Variants in RTN4 observed in about 807,000 individuals in gnomAD.
RTN4 encodes reticulon-4.
RTN4 carries 32 observed loss-of-function variants against 90.4 expected under a neutral mutation model. That is an observed-to-expected ratio of 0.35 (90% confidence interval 0.27 to 0.48). The LOEUF is 0.48. RTN4 is among the 20% of genes least tolerant of loss of function. The pLI is 0.99. For missense variants in RTN4, 1,706 were observed against 1,430.2 expected (o/e 1.19, Z -3.11); for synonymous variants, 629 against 552.5 (o/e 1.14, Z -1.94).
rs958232115 is a variant in RTN4 at position 54,973,640 on chromosome 2, G to A, written c.3478-19C>T. On this transcript the variant is annotated intron_variant, in intron 7 of 8. Coordinates refer to ENST00000337526, the MANE Select transcript of RTN4 (RefSeq NM_020532.5). Reference sequence around the variant, plus strand: ...TCTGTGCCTGAAAGAGAGGTATAAAGGAATTATTACCGTTGCTAAAGAATC... The same window carrying A: ...TCTGTGCCTGAAAGAGAGGTATAAAAGAATTATTACCGTTGCTAAAGAATC... The A allele has an allele frequency of 6.3e-7, 1 of 1,594,234 alleles. No homozygotes were observed. Among genetic ancestry groups the A allele is most frequent in the African/African-American group, 1.3e-5 (1 of 74,386 alleles).
intron 1 of RTN4, among the ~76,000 whole-genome samples, chr2:55,041,817 A>G (rs1683097608): frequency 6.6e-6 from 1 of 152,222 alleles, no homozygotes; most frequent in East Asian, 1.9e-4. Flanking sequence ...TAAGGATTAC[A>G]TAAAACTCAA....
At chr2:55,128,299 G>C in the RTN4 span, among the ~76,000 whole-genome samples, 1 of 152,044 alleles carries the variant, frequency 6.6e-6, no homozygotes, top group African/African-American at 2.4e-5. Flanking sequence ...GGGCCTTCAG[G>C]GTGGCCTCAC....
intron 2 of RTN4, among the ~76,000 whole-genome samples, chr2:55,071,221 C>T (rs1349506058): frequency 2.0e-5 from 3 of 151,728 alleles, no homozygotes; most frequent in African/African-American, 7.3e-5. Flanking sequence ...ATCTACAAGA[C>T]AAAATGTCTG....
intron 8 of RTN4, 64 bp from the exon 9 acceptor site, chr2:54,973,262 C>T: frequency 1.5e-6 from 2 of 1,295,578 alleles, no homozygotes; most frequent in East Asian, 4.7e-5. Context: ...TACCATCTTC[C>T]AAGAACTACT....
At chr2:55,108,865 T>C (rs1667989059) in intron 1 of RTN4, among the ~76,000 whole-genome samples, 2 of 152,222 alleles carry the variant, frequency 1.3e-5, no homozygotes, top group South Asian at 4.1e-4. Context: ...CTACAGGAGC[T>C]CTTCACAGCC....
chr2:55,079,976 T>C (rs1189931911), intron 2 of RTN4, among the ~76,000 whole-genome samples: 1 of 152,224 alleles, frequency 6.6e-6, no homozygotes, highest in Non-Finnish European at 1.5e-5. Context: ...TACTATGACC[T>C]ATCTGGTGCA....
chr2:54,992,594 GA>G (rs1679096558), intron 3 of RTN4, among the ~76,000 whole-genome samples: 1 of 151,878 alleles, frequency 6.6e-6, no homozygotes, highest in Admixed American at 6.6e-5. Flanking sequence ...TTAAGTTGTT[GA>G]AAAATGACTT....
the RTN4 span, among the ~76,000 whole-genome samples, chr2:55,134,248 G>A: frequency 5.9e-5 from 9 of 152,212 alleles, no homozygotes; most frequent in East Asian, 5.8e-4. Flanking sequence ...CCTCTTTACC[G>A]CATCCTGTTT....
chr2:55,134,663 G>C, the RTN4 span, among the ~76,000 whole-genome samples: 3 of 152,158 alleles, frequency 2.0e-5, no homozygotes, highest in Non-Finnish European at 4.4e-5. Flanking sequence ...GGTGAAGCGG[G>C]AGGTGGGAGC....
intron 3 of RTN4, among the ~76,000 whole-genome samples, chr2:54,990,016 A>C (rs1454611607): frequency 6.6e-6 from 1 of 152,186 alleles, no homozygotes; most frequent in Admixed American, 6.5e-5. Flanking sequence ...TAATACACAC[A>C]AACAGAAAAC....
upstream of RTN4, among the ~76,000 whole-genome samples, chr2:55,052,524 G>C (rs1484088877): frequency 6.6e-6 from 1 of 152,188 alleles, no homozygotes; most frequent in Admixed American, 6.5e-5. Context: ...CAAAACGTTT[G>C]TGACTTGCTT....
At chr2:55,088,870 G>A (rs138725072) in intron 1 of RTN4, among the ~76,000 whole-genome samples, 96 of 152,234 alleles carry the variant, frequency 6.3e-4, no homozygotes, top group Middle Eastern at 3.4e-3. Flanking sequence ...TTATTTACAG[G>A]GCAGTTTATT....
intron 2 of RTN4, among the ~76,000 whole-genome samples, chr2:55,065,563 G>T (rs1006212813): frequency 6.6e-6 from 1 of 151,834 alleles, no homozygotes; most frequent in Non-Finnish European, 1.5e-5. Flanking sequence ...TTCATGTAAG[G>T]GAATACTATA....
intron 1 of RTN4, chr2:55,049,056 GC>G (rs1460817368): frequency 2.1e-6 from 2 of 967,832 alleles, no homozygotes; most frequent in African/African-American, 3.5e-5. Flanking sequence ...ACCCCGGGGA[GC>G]TGGGCGGTGG....
At chr2:55,031,522 C>G (rs972905174) in intron 1 of RTN4, among the ~76,000 whole-genome samples, 1 of 152,214 alleles carries the variant, frequency 6.6e-6, no homozygotes, top group African/African-American at 2.4e-5. Flanking sequence ...TCGGCAAGGC[C>G]TAGCCAAGAA....
chr2:54,979,377 T>G (rs963317644), intron 5 of RTN4, among the ~76,000 whole-genome samples: 2 of 152,184 alleles, frequency 1.3e-5, no homozygotes, highest in African/African-American at 4.8e-5. Flanking sequence ...TTCTTCTTTT[T>G]AAAATGCTCT....
At chr2:54,991,453 T>A (rs1433205837) in intron 3 of RTN4, among the ~76,000 whole-genome samples, 1 of 152,186 alleles carries the variant, frequency 6.6e-6, no homozygotes, top group Non-Finnish European at 1.5e-5. Context: ...GAGACCCACA[T>A]CCTAGCATGT....
Position 55,026,210 on chromosome 2 carries a change from G to C in RTN4, c.1889C>G (p.Ser630Cys). The change falls in exon 3 of 9, where the codon TCC becomes TGC. Residue 630 changes from serine (S) to cysteine (C), a missense_variant. Transcript: ENST00000337526. Reference protein sequence around the residue: ...LNSAVPSAGASVIQPSSSPLE... With the variant: ...LNSAVPSAGACVIQPSSSPLE... ...TGGTGATGAGCTGGGCTGTATCACG[G>C]AAGCACCAGCACTAGGAACTGCAGA... 1 of 1,613,718 alleles carries C rather than the reference G, an allele frequency of 6.2e-7. No individual in the cohort carries two copies.
chr2:55,109,344 T>C (rs544535623), intron 1 of RTN4, among the ~76,000 whole-genome samples: 1 of 152,240 alleles, frequency 6.6e-6, no homozygotes, highest in Admixed American at 6.5e-5. Context: ...ATGCTGATAA[T>C]AAATTGCTCA....
Sources: gnomAD v4.1 joint callset for allele counts (sites outside exome capture counted in the v4.1 genomes callset) on GRCh38, gnomAD v4.1.1 for gene constraint, MANE v1.5 for transcripts, NCBI Gene and HGNC (gene_info 2026-07-23, HGNC 2026-07-21) for gene names.